Variants in MRAP2 observed in about 807,000 individuals in gnomAD.
The protein encoded by MRAP2 is melanocortin-2 receptor accessory protein 2.
MRAP2 carries 20 observed loss-of-function variants against 17.4 expected under a neutral mutation model. The observed-to-expected ratio is 1.15, with a 90% CI of 0.81 to 1.67. The LOEUF is 1.67. MRAP2 is among the 40% of genes most tolerant of loss of function. The probability of loss-of-function intolerance (pLI) is 0.00; values close to 1 mark genes in which losing one functional copy is unlikely to be tolerated. For synonymous variants in MRAP2, 96 were observed against 88.4 expected (o/e 1.09, Z -0.48); for missense variants, 238 against 240.0 (o/e 0.99, Z 0.05).
chr6:84,112,888 G>A, the MRAP2 span, among the ~76,000 whole-genome samples: 1 of 152,156 alleles, frequency 6.6e-6, no homozygotes, highest in East Asian at 1.9e-4. Context: ...CAGTTGTTCA[G>A]TTTCCATGTA....
chr6:84,123,931 G>A, the MRAP2 span, among the ~76,000 whole-genome samples: 2 of 152,114 alleles, frequency 1.3e-5, no homozygotes, highest in African/African-American at 2.4e-5. Context: ...TTTGTCAACA[G>A]AAATACAACT....
chr6:84,083,272 GT>G (rs2099499476), intron 3 of MRAP2, among the ~76,000 whole-genome samples: 1 of 152,180 alleles, frequency 6.6e-6, no homozygotes, highest in Non-Finnish European at 1.5e-5. Context: ...TGCCTGGCCT[GT>G]TTACTTTTAA....
chr6:84,071,595 T>A (rs1467614270), intron 3 of MRAP2, among the ~76,000 whole-genome samples: 1 of 152,190 alleles, frequency 6.6e-6, no homozygotes, highest in Non-Finnish European at 1.5e-5. Context: ...TCCTAGGTGT[T>A]CTTTGTGCTT....
chr6:84,133,023 T>C, the MRAP2 span, among the ~76,000 whole-genome samples: 1 of 152,176 alleles, frequency 6.6e-6, no homozygotes, highest in East Asian at 1.9e-4. Context: ...GATGGTGACC[T>C]AGATATGTGG....
At chr6:84,045,223 G>T (rs192876546) in intron 1 of MRAP2, 1 of 985,358 alleles carries the variant, frequency 1.0e-6, no homozygotes, top group East Asian at 1.1e-4. Flanking sequence ...AATGAATGAT[G>T]ATAGTGACGC....
chr6:84,100,699 C>T, the MRAP2 span, among the ~76,000 whole-genome samples: 1 of 152,190 alleles, frequency 6.6e-6, no homozygotes, highest in Non-Finnish European at 1.5e-5. Context: ...TTTCTACTTT[C>T]TCTGTGCTCT....
At chr6:84,064,573 C>A (rs548853019) in intron 3 of MRAP2, among the ~76,000 whole-genome samples, 1 of 152,042 alleles carries the variant, frequency 6.6e-6, no homozygotes, top group Non-Finnish European at 1.5e-5. Context: ...CTGCAAGCTC[C>A]GCCTCCCGGG....
the MRAP2 span, among the ~76,000 whole-genome samples, chr6:84,130,985 G>T: frequency 6.6e-6 from 1 of 152,050 alleles, no homozygotes; most frequent in Admixed American, 6.6e-5. Context: ...TTTCTCTTGT[G>T]GGCATTTAGT....
At chr6:84,134,018 C>T in the MRAP2 span, among the ~76,000 whole-genome samples, 2 of 152,276 alleles carry the variant, frequency 1.3e-5, no homozygotes, top group South Asian at 4.1e-4. Context: ...TTCTATAAGA[C>T]CCTGACTGGG....
chr6:84,068,592 G>A (rs1217160206), intron 3 of MRAP2, among the ~76,000 whole-genome samples: 3 of 151,670 alleles, frequency 2.0e-5, no homozygotes, highest in Non-Finnish European at 4.4e-5. Flanking sequence ...CCTTGTAGAG[G>A]TCTTTTGACT....
chr6:84,098,415 A>G, the MRAP2 span, among the ~76,000 whole-genome samples: 1 of 152,160 alleles, frequency 6.6e-6, no homozygotes, highest in African/African-American at 2.4e-5. Flanking sequence ...AATATTTTCT[A>G]TGAATATTTG....
At chr6:84,137,106 C>A in the MRAP2 span, among the ~76,000 whole-genome samples, 1 of 152,194 alleles carries the variant, frequency 6.6e-6, no homozygotes. Flanking sequence ...TCATACCTGG[C>A]AGGTGGTATG....
chr6:84,131,336 G>C, the MRAP2 span, among the ~76,000 whole-genome samples: 2 of 152,192 alleles, frequency 1.3e-5, no homozygotes, highest in Non-Finnish European at 2.9e-5. Context: ...ATTTGGGGTG[G>C]AGAGTTCTGT....
chr6:84,084,624 G>T (rs1347339617), intron 3 of MRAP2, among the ~76,000 whole-genome samples: 1 of 152,144 alleles, frequency 6.6e-6, no homozygotes, highest in Non-Finnish European at 1.5e-5. Flanking sequence ...CAGCAGAAAA[G>T]TCTGCAGATT....
chr6:84,136,933 G>GTCTTCC, the MRAP2 span, among the ~76,000 whole-genome samples: 1 of 152,200 alleles, frequency 6.6e-6, no homozygotes, highest in Admixed American at 6.5e-5. Flanking sequence ...GGGGGACTTT[G>GTCTTCC]TATGAACTGA....
chr6:84,139,863 GAGA>G, the MRAP2 span, among the ~76,000 whole-genome samples: 1 of 149,234 alleles, frequency 6.7e-6, no homozygotes, highest in South Asian at 2.1e-4. Flanking sequence ...CATTTGTTGT[GAGA>G]AGGAGAATCA....
chr6:84,073,440 C>T (rs2099496749), intron 3 of MRAP2, among the ~76,000 whole-genome samples: 1 of 152,176 alleles, frequency 6.6e-6, no homozygotes, highest in African/African-American at 2.4e-5. Flanking sequence ...TGGGGTATCT[C>T]CTGGGTCCTG....
intron 3 of MRAP2, among the ~76,000 whole-genome samples, chr6:84,088,616 A>G (rs923765382): frequency 6.6e-6 from 1 of 152,190 alleles, no homozygotes; most frequent in African/African-American, 2.4e-5. Context: ...ATGTACCCCT[A>G]TGAGACAGTA....
chr6:84,096,379 C>T, the MRAP2 span, among the ~76,000 whole-genome samples: 3 of 152,154 alleles, frequency 2.0e-5, no homozygotes, highest in Admixed American at 6.5e-5. Context: ...AAATGTTGTT[C>T]GACTTCATTC....
Sources: gnomAD v4.1 joint callset for allele counts (sites outside exome capture counted in the v4.1 genomes callset) on GRCh38, gnomAD v4.1.1 for gene constraint, MANE v1.5 for transcripts, NCBI Gene and HGNC (gene_info 2026-07-23, HGNC 2026-07-21) for gene names.